The following AHR variants were observed in gnomAD, a reference collection of about 807,000 sequenced individuals.
AHR encodes the protein AH-receptor.
AHR carries 40 observed loss-of-function variants against 86.8 expected under a neutral mutation model. The ratio of observed to expected loss-of-function variants is 0.46; its 90% confidence interval spans 0.36 to 0.60. The LOEUF (loss-of-function observed/expected upper bound fraction) is 0.60, where lower values mean the gene tolerates loss of function less well. Ranked by LOEUF, AHR falls within the 20% of genes least tolerant of loss-of-function variation. The pLI is 0.00. For synonymous variants in AHR, 398 were observed against 354.9 expected (o/e 1.12, Z -1.37); for missense variants, 1,001 against 1,011.6 (o/e 0.99, Z 0.14).
intron 2 of AHR, among the ~76,000 whole-genome samples, chr7:17,312,112 C>G (rs987508895): frequency 6.6e-6 from 1 of 152,218 alleles, no homozygotes; most frequent in African/African-American, 2.4e-5. Flanking sequence ...ATTGTAACTT[C>G]AGGCCTCCTC....
intron 1 of AHR, among the ~76,000 whole-genome samples, chr7:17,305,798 A>G (rs1781999790): frequency 6.6e-6 from 1 of 152,284 alleles, no homozygotes; most frequent in South Asian, 2.1e-4. Context: ...TAATTTTTTC[A>G]GCTTTGCTTC....
chr7:17,333,812 A>G, intron 6 of AHR, 100 bp from the exon 7 acceptor site: 4 of 872,984 alleles, frequency 4.6e-6, no homozygotes, highest in Non-Finnish European at 7.0e-6. Flanking sequence ...TTATGGAATT[A>G]TCAAGAACCC....
In AHR at chr7:17,345,941, A is replaced by G. The variant is rs948834733; in HGVS notation, c.*2877A>G. 1.3e-5 allele frequency: 2 copies of G among 152,726 alleles called. No homozygotes were observed. Among genetic ancestry groups the G allele is most frequent in the African/African-American group, 4.8e-5 (2 of 41,450 alleles). 9.5% of individuals were successfully genotyped at this position (152,726 alleles called of 1,614,324 possible). ...ATACCTGAAGACTTACCAGTATTCT[A>G]GTGTATTATGAAGCTTTCAACATTA... On this transcript the variant is annotated 3_prime_UTR_variant, in exon 11 of 11. Coordinates refer to ENST00000242057, the MANE Select transcript of AHR (RefSeq NM_001621.5).
intron 10 of AHR, 68 bp from the exon 11 acceptor site, chr7:17,342,853 G>A (rs1276413527): frequency 6.9e-7 from 1 of 1,457,876 alleles, no homozygotes; most frequent in East Asian, 2.3e-5. Context: ...ACATGTTAAT[G>A]TTATTTACTG....
chr7:17,306,896 A>AT, intron 1 of AHR, among the ~76,000 whole-genome samples: 1 of 152,302 alleles, frequency 6.6e-6, no homozygotes, highest in Middle Eastern at 3.4e-3. Context: ...GCAAACATTA[A>AT]TTGAGAATCC....
chr7:17,338,961 A>G (rs765946845), intron 9 of AHR, 25 bp from the exon 10 acceptor site: 1 of 1,519,344 alleles, frequency 6.6e-7, no homozygotes, highest in Non-Finnish European at 8.8e-7. Context: ...ATTTTTTTCT[A>G]AGACTTTTTT....
chr7:17,339,528 G>A lies in AHR; in HGVS notation c.1703G>A (p.Gly568Asp). 1 of 1,614,114 alleles carries A rather than the reference G, an allele frequency of 6.2e-7. No individual in the cohort carries two copies. Among genetic ancestry groups the A allele is most frequent in the Non-Finnish European group, 8.5e-7 (1 of 1,180,012 alleles). The change falls in exon 10 of 11, where the codon GGT (glycine) becomes GAT (aspartate). Residue 568 changes from glycine to aspartate, a missense_variant. Around this residue, in one of 2 missense-constraint regions of AHR, gnomAD observed 607 missense variants for 543.1 expected, o/e 1.12. Coordinates refer to ENST00000242057, the MANE Select transcript of AHR (RefSeq NM_001621.5). ...NEKFFRNDFS[G>D]EVDFRDIDLT... ...AAATTTTTCAGAAATGATTTTTCTG[G>A]TGAGGTTGACTTCAGAGACATTGAC...
At chr7:17,317,124 T>TG (rs1212899976) in intron 2 of AHR, among the ~76,000 whole-genome samples, 1 of 150,156 alleles carries the variant, frequency 6.7e-6, no homozygotes, top group African/African-American at 2.4e-5. Context: ...TTGTTTTTTT[T>TG]TTTTTTTTTG....
intron 2 of AHR, among the ~76,000 whole-genome samples, chr7:17,316,105 A>T (rs1285757896): frequency 6.6e-6 from 1 of 152,222 alleles, no homozygotes; most frequent in East Asian, 1.9e-4. Flanking sequence ...AGATACTTTC[A>T]TTTGATGTGT....
At chr7:17,322,208 A>C (rs1314928961) in intron 2 of AHR, among the ~76,000 whole-genome samples, 3 of 151,988 alleles carry the variant, frequency 2.0e-5, no homozygotes, top group Non-Finnish European at 4.4e-5. Context: ...GAAACTCCTA[A>C]GTTTTGTGAC....
intron 7 of AHR, 140 bp from the exon 8 acceptor site, chr7:17,334,741 TAATTTC>T (rs1195175532): frequency 5.1e-6 from 3 of 588,760 alleles, no homozygotes; most frequent in Non-Finnish European, 5.9e-6. Context: ...TGGATGTGTT[TAATTTC>T]ACATCTACTT....
intron 1 of AHR, among the ~76,000 whole-genome samples, chr7:17,302,176 CT>C (rs1392794680): frequency 6.6e-6 from 1 of 151,818 alleles, no homozygotes; most frequent in Non-Finnish European, 1.5e-5. Flanking sequence ...AAAGTTAGCA[CT>C]GAATGTTGGC....
In AHR at chr7:17,339,802, C is replaced by T. The variant is rs139422560; in HGVS notation, c.1977C>T (p.Phe659=). Residue 659 remains phenylalanine, a synonymous_variant, in exon 10 of 11, where the codon TTC becomes TTT. Coordinates refer to ENST00000242057, the MANE Select transcript of AHR (RefSeq NM_001621.5). Reference sequence around the variant, plus strand: ...TTGAAAATTGGAACTCTAACCAATTCGTGCCTTTCAATTGTCCACAGCAAG... The same window carrying T: ...TTGAAAATTGGAACTCTAACCAATTTGTGCCTTTCAATTGTCCACAGCAAG... ...GMFENWNSNQ[F]VPFNCPQQDP... is the part of the protein sequence containing the mutation. The T allele has an allele frequency of 1.4e-5, 22 of 1,614,044 alleles. No individual in the cohort carries two copies. The African/African-American group carries it at 2.0e-4, about 15-fold the overall frequency.
intron 4 of AHR, among the ~76,000 whole-genome samples, 195 bp downstream of exon 4, chr7:17,328,043 A>G (rs1326521399): frequency 6.6e-6 from 1 of 151,784 alleles, no homozygotes; most frequent in African/African-American, 2.4e-5. Flanking sequence ...TATGTGATTC[A>G]TGGTTACTGT....
chr7:17,343,990 C>CT lies in AHR; in HGVS notation c.*929dup, dbSNP rs1234316762. The CT allele has an allele frequency of 6.6e-6, 1 of 152,578 alleles. No individual in the cohort carries two copies. The highest frequency in any genetic ancestry group is 1.5e-5 in the Non-Finnish European group (1 of 67,970). 9.5% of individuals were successfully genotyped at this position (152,578 alleles called of 1,614,324 possible). On this transcript the variant is annotated 3_prime_UTR_variant, in exon 11 of 11. Transcript: ENST00000242057. Reference sequence around the variant, plus strand: ...TTTCAGAAGAAATAAATATACCACTCTTTACCTTTATTGATATCTCCATGA... The same window carrying CT: ...TTTCAGAAGAAATAAATATACCACTCTTTTACCTTTATTGATATCTCCATGA...
chr7:17,330,866 G>T lies in AHR; in HGVS notation c.685G>T (p.Asp229Tyr). 1 of 1,611,854 alleles carries T rather than the reference G, an allele frequency of 6.2e-7. No individual in the cohort carries two copies. Among genetic ancestry groups the T allele is most frequent in the South Asian group, 1.1e-5 (1 of 90,948 alleles). Residue 229 changes from aspartate (D) to tyrosine (Y), a missense_variant, in exon 6 of 11, where the codon GAT becomes TAT. Coordinates refer to ENST00000242057, the MANE Select transcript of AHR (RefSeq NM_001621.5). ...CFICRLRCLL[D>Y]NSSGFLAMNF... ...CATATGTCGTCTAAGGTGTCTGCTG[G>T]ATAATTCATCTGGTTTTCTGGTAAG...
chr7:17,299,069 C>T lies in AHR; in HGVS notation c.-196C>T. The T allele has an allele frequency of 1.8e-6, 1 of 560,888 alleles. No individual in the cohort carries two copies. Among genetic ancestry groups the T allele is most frequent in the Non-Finnish European group, 3.0e-6 (1 of 337,008 alleles). The allele number at this position is 560,888 out of a possible 1,614,324, so 34.7% of individuals were successfully genotyped here. Reference sequence around the variant, plus strand: ...GGCCCAGGCAGCTCACCTGTACTGGCGCGGGCTGCGGAAGCCTGCGTGAGC... The same window carrying T: ...GGCCCAGGCAGCTCACCTGTACTGGTGCGGGCTGCGGAAGCCTGCGTGAGC... On this transcript the variant is annotated 5_prime_UTR_variant, in exon 1 of 11. Coordinates refer to ENST00000242057, the MANE Select transcript of AHR (RefSeq NM_001621.5).
In AHR at chr7:17,345,628, G is replaced by C. The variant is rs1056599418; in HGVS notation, c.*2564G>C. The C allele has an allele frequency of 6.6e-6, 1 of 152,518 alleles. No homozygotes were observed. Among genetic ancestry groups the C allele is most frequent in the African/African-American group, 2.4e-5 (1 of 41,406 alleles). The allele number at this position is 152,518 out of a possible 1,614,324, so 9.4% of individuals were successfully genotyped here. A position where few individuals can be genotyped will look rare whatever the true frequency, so the allele number is the denominator to read the frequency against. ...ATGTTACTGGATAAATTGTTTAGTG[G>C]AAAATAGGCTTTTTAATCATGAATA... is the stretch of plus-strand genomic sequence containing the variant. On this transcript the variant is annotated 3_prime_UTR_variant, in exon 11 of 11. Transcript: ENST00000242057.
intron 1 of AHR, among the ~76,000 whole-genome samples, chr7:17,300,035 T>C (rs1190898913): frequency 3.9e-5 from 6 of 152,164 alleles, no homozygotes; most frequent in Non-Finnish European, 7.4e-5. Context: ...GGCTTTAGGG[T>C]CTGTAAAATA....
Sources: allele counts gnomAD v4.1 joint callset (sites outside exome capture counted in the v4.1 genomes callset), GRCh38; gene constraint gnomAD v4.1.1; regional missense constraint gnomAD v4.1.1; transcripts MANE v1.5; gene names NCBI Gene and HGNC (gene_info 2026-07-23, HGNC 2026-07-21).